The following TEX19 variants were observed in gnomAD, a reference collection of about 807,000 sequenced individuals.
TEX19 encodes testis-expressed protein 19.
For synonymous variants in TEX19, 77 were observed against 73.9 expected (o/e 1.04, Z -0.21); for missense variants, 184 against 194.4 (o/e 0.95, Z 0.32).
rs1164093484 is a variant in TEX19, at chr17:82,360,460, CA to C, written c.-272+1177del. ...TCCCCCAGTTTCCCTCAGGTTCCCT[CA>C]AGTTTCCCTCAGGTTCCCCCAGTTT... On this transcript the variant is annotated intron_variant, in intron 1 of 1. Transcript: ENST00000333437. Among the ~76,000 whole-genome samples, 255 of 97,832 alleles carry C rather than the reference CA, an allele frequency of 2.6e-3. 1 individual carries two copies. The highest frequency in any genetic ancestry group is 3.7e-3 in the Non-Finnish European group (179 of 48,966). The allele number at this position is 97,832 out of a possible 152,430, so 64.2% of individuals were successfully genotyped here.
intron 1 of TEX19, among the ~76,000 whole-genome samples, chr17:82,360,228 CA>C (rs200273384): frequency 3.2e-5 from 2 of 62,008 alleles, no homozygotes; most frequent in African/African-American, 7.6e-5. Context: ...CAGTTTCCCT[CA>C]AGTTTCCCTC....
chr17:82,360,171 T>G (rs373540318), intron 1 of TEX19, among the ~76,000 whole-genome samples: 191 of 46,042 alleles, frequency 4.1e-3, no homozygotes, highest in South Asian at 6.0e-3. Flanking sequence ...GTTCCCTCAG[T>G]TTCCCTCAGG....
chr17:82,362,919 T>C lies in TEX19; in HGVS notation c.*274T>C, dbSNP rs2052407954. ...ACCCCAAGAGCAGGACCTGCACTGG[T>C]GGATGCTGAGCATTCTAGAAACATC... On this transcript the variant is annotated 3_prime_UTR_variant, in exon 2 of 2. Coordinates refer to ENST00000333437, the MANE Select transcript of TEX19 (RefSeq NM_207459.4). The surrounding 1 kb of genome is among the most constrained non-coding windows in gnomAD (Gnocchi z 5.5). 2.4e-6 allele frequency: 1 copy of C among 423,154 alleles called. No homozygotes were observed. Among genetic ancestry groups the C allele is most frequent in the Non-Finnish European group, 4.3e-6 (1 of 230,826 alleles). The allele number at this position is 423,154 out of a possible 1,614,324, so 26.2% of individuals were successfully genotyped here.
At chr17:82,360,056 C>A in intron 1 of TEX19, among the ~76,000 whole-genome samples, 1 of 121,460 alleles carries the variant, frequency 8.2e-6, no homozygotes, top group African/African-American at 3.5e-5. Flanking sequence ...CAGGTTCCCC[C>A]AGTTTCCCCC....
In TEX19 at chr17:82,362,753, G is replaced by A. The variant is rs1054638405; in HGVS notation, c.*108G>A. 28 of 1,365,218 alleles carry A rather than the reference G, an allele frequency of 2.1e-5. No homozygotes were observed. The South Asian group carries it at 4.2e-4, about 20-fold the overall frequency. The allele number at this position is 1,365,218 out of a possible 1,614,324, so 84.6% of individuals were successfully genotyped here. ...AGGCTGAGGCCTAGTTACTGGCCCT[G>A]CAGCTTGTCTCCATGGTGGGCTGCT... On this transcript the variant is annotated 3_prime_UTR_variant, in exon 2 of 2. Transcript: ENST00000333437. The surrounding 1 kb of genome is among the most constrained non-coding windows in gnomAD (Gnocchi z 5.5).
Position 82,362,957 on chromosome 17 carries a change from C to G in TEX19, c.*312C>G. 1 of 293,666 alleles carries G rather than the reference C, an allele frequency of 3.4e-6. No individual in the cohort carries two copies. The highest frequency in any genetic ancestry group is 6.8e-5 in the East Asian group (1 of 14,606). The allele number at this position is 293,666 out of a possible 1,614,324, so 18.2% of individuals were successfully genotyped here. ...TTCTAGAAACATCGTTAACAGGACA[C>G]AGGGCAGAGCTGGTCCCTGCAGCCT... On this transcript the variant is annotated 3_prime_UTR_variant, in exon 2 of 2. Coordinates refer to ENST00000333437, the MANE Select transcript of TEX19 (RefSeq NM_207459.4). This position sits in a 1 kb window ranked among gnomAD's most constrained non-coding sequence, Gnocchi z 5.5.
chr17:82,362,675 AG>A lies in TEX19; in HGVS notation c.*34del. On this transcript the variant is annotated 3_prime_UTR_variant, in exon 2 of 2. Transcript: ENST00000333437. The surrounding 1 kb of genome is among the most constrained non-coding windows in gnomAD (Gnocchi z 5.5). The stretch of plus-strand genomic sequence containing the variant: ...GGTTTCTCAAAGTGGACCTGCCCCC[AG>A]GGGAGCCCGTGGTGTTGAAGCTGGG... 1 of 1,521,602 alleles carries A rather than the reference AG, an allele frequency of 6.6e-7. No individual in the cohort carries two copies. The highest frequency in any genetic ancestry group is 8.8e-7 in the Non-Finnish European group (1 of 1,138,432). 94.3% of individuals were successfully genotyped at this position (1,521,602 alleles called of 1,614,324 possible).
In TEX19 at chr17:82,362,018, C is replaced by T. The variant is rs2052398596; in HGVS notation, c.-133C>T. The T allele has an allele frequency of 8.0e-7, 1 of 1,253,702 alleles. No individual in the cohort carries two copies. Among genetic ancestry groups the T allele is most frequent in the African/African-American group, 1.5e-5 (1 of 66,772 alleles). 77.7% of individuals were successfully genotyped at this position (1,253,702 alleles called of 1,614,324 possible). A position where few individuals can be genotyped will look rare whatever the true frequency, so the allele number is the denominator to read the frequency against. On this transcript the variant is annotated 5_prime_UTR_variant, in exon 2 of 2. Transcript: ENST00000333437. The surrounding 1 kb of genome is among the most constrained non-coding windows in gnomAD (Gnocchi z 5.5). Reference sequence around the variant, plus strand: ...TCCCTGGATAGGAAACCCCTTTCTCCTCCTGCTCCTTGTCCCCTTCATCCC... The same window carrying T: ...TCCCTGGATAGGAAACCCCTTTCTCTTCCTGCTCCTTGTCCCCTTCATCCC...
At chr17:82,361,778 G>C (rs552386221) in intron 1 of TEX19, 102 bp from the exon 2 acceptor site, 2 of 1,072,976 alleles carry the variant, frequency 1.9e-6, no homozygotes, top group East Asian at 1.5e-4. Context: ...CCCCACTAAA[G>C]GGCCAGTCTG....
At position 82,362,039 on chromosome 17, in the gene TEX19, A is replaced by G; in HGVS notation, c.-112A>G. ...TCTCCTCCTGCTCCTTGTCCCCTTC[A>G]TCCCTGCCGCCCAGCATCCTACTGG... On this transcript the variant is annotated 5_prime_UTR_variant, in exon 2 of 2. Transcript: ENST00000333437. The surrounding 1 kb of genome is among the most constrained non-coding windows in gnomAD (Gnocchi z 5.5). 2 of 1,400,396 alleles carry G rather than the reference A, an allele frequency of 1.4e-6. No homozygotes were observed. The highest frequency in any genetic ancestry group is 1.9e-6 in the Non-Finnish European group (2 of 1,041,760). 86.7% of individuals were successfully genotyped at this position (1,400,396 alleles called of 1,614,324 possible).
In TEX19 at chr17:82,362,733, G is replaced by A. The variant is rs2052406688; in HGVS notation, c.*88G>A. The A allele has an allele frequency of 6.8e-7, 1 of 1,470,976 alleles. No homozygotes were observed. Among genetic ancestry groups the A allele is most frequent in the South Asian group, 1.4e-5 (1 of 70,016 alleles). The allele number at this position is 1,470,976 out of a possible 1,614,324, so 91.1% of individuals were successfully genotyped here. A position where few individuals can be genotyped will look rare whatever the true frequency, so the allele number is the denominator to read the frequency against. On this transcript the variant is annotated 3_prime_UTR_variant, in exon 2 of 2. Transcript: ENST00000333437. This position sits in a 1 kb window ranked among gnomAD's most constrained non-coding sequence, Gnocchi z 5.5. ...CTGGGCAGTGGACCCTGCCGAGGCT[G>A]AGGCCTAGTTACTGGCCCTGCAGCT...
At chr17:82,361,615 G>A in intron 1 of TEX19, 1 of 984,412 alleles carries the variant, frequency 1.0e-6, no homozygotes, top group Non-Finnish European at 1.2e-6. Flanking sequence ...CTCAGGCTCT[G>A]CCAGTTTCCC....
intron 1 of TEX19, chr17:82,361,656 C>T: frequency 2.0e-6 from 2 of 985,382 alleles, no homozygotes; most frequent in Non-Finnish European, 2.4e-6. Context: ...TCAGGTGAAG[C>T]TGATGGGCTG....
chr17:82,361,666 G>A (rs2052395869), intron 1 of TEX19: 4 of 985,394 alleles, frequency 4.1e-6, no homozygotes, highest in East Asian at 1.1e-4. Flanking sequence ...CTGATGGGCT[G>A]TTGGGGTCCC....
rs1167197700 is a variant in TEX19, at chr17:82,362,132, G to T, written c.-19G>T. ...CCAGCTCTTGCTGTCCACCCCGGCA[G>T]TAGGCAGGCAGCCTGGCCATGTGCC... On this transcript the variant is annotated 5_prime_UTR_variant, in exon 2 of 2. Transcript: ENST00000333437. This position sits in a 1 kb window ranked among gnomAD's most constrained non-coding sequence, Gnocchi z 5.5. 1 of 1,585,436 alleles carries T rather than the reference G, an allele frequency of 6.3e-7. No individual in the cohort carries two copies. The highest frequency in any genetic ancestry group is 8.6e-7 in the Non-Finnish European group (1 of 1,166,986).
intron 1 of TEX19, among the ~76,000 whole-genome samples, chr17:82,359,946 AGGTTCCCCC>A: frequency 1.9e-5 from 2 of 105,626 alleles, no homozygotes; most frequent in African/African-American, 3.9e-5. Context: ...AGTTTCCCTC[AGGTTCCCCC>A]AGTTTCCCTC....
chr17:82,361,195 TCAGTTTCCCC>T (rs1401758565), intron 1 of TEX19, among the ~76,000 whole-genome samples: 2 of 85,206 alleles, frequency 2.3e-5, no homozygotes, highest in Non-Finnish European at 4.6e-5. Flanking sequence ...TCAGGTTCCC[TCAGTTTCCCC>T]CAGTTTCCCT....
chr17:82,361,211 T>G (rs1228599363), intron 1 of TEX19, among the ~76,000 whole-genome samples: 1 of 97,760 alleles, frequency 1.0e-5, no homozygotes, highest in Non-Finnish European at 2.0e-5. Context: ...TCCCCCAGTT[T>G]CCCTCAGGTT....
In TEX19 at chr17:82,362,136, G is replaced by A. The variant is rs773640899; in HGVS notation, c.-15G>A. 16 of 1,587,746 alleles carry A rather than the reference G, an allele frequency of 1.0e-5. No homozygotes were observed. Among genetic ancestry groups the A allele is most frequent in the African/African-American group, 6.7e-5 (5 of 74,670 alleles). On this transcript the variant is annotated 5_prime_UTR_variant, in exon 2 of 2. Coordinates refer to ENST00000333437, the MANE Select transcript of TEX19 (RefSeq NM_207459.4). This position sits in a 1 kb window ranked among gnomAD's most constrained non-coding sequence, Gnocchi z 5.5. ...CTCTTGCTGTCCACCCCGGCAGTAG[G>A]CAGGCAGCCTGGCCATGTGCCCTCC... is the stretch of plus-strand genomic sequence containing the variant.
Sources: gnomAD v4.1 joint callset for allele counts (sites outside exome capture counted in the v4.1 genomes callset) on GRCh38, gnomAD v4.1.1 for gene constraint, Gnocchi (gnomAD v3.1) non-coding constraint, MANE v1.5 for transcripts, NCBI Gene and HGNC (gene_info 2026-07-23, HGNC 2026-07-21) for gene names.